Variants in RBM12B observed in about 807,000 individuals in gnomAD.
The protein encoded by RBM12B is RNA-binding protein 12B.
In RBM12B, 10 loss-of-function variants were observed where a neutral mutation model predicts 34.3. The ratio of observed to expected loss-of-function variants is 0.29; its 90% confidence interval spans 0.18 to 0.49. The LOEUF is 0.49. Among genes scored for constraint, RBM12B ranks in the 20% least tolerant of loss-of-function variants. RBM12B has a pLI of 0.99. For synonymous variants in RBM12B, 477 were observed against 437.1 expected, an observed-to-expected ratio of 1.09 and a Z score of -1.14; for missense variants, 1,139 against 1,262.7, an observed-to-expected ratio of 0.90 and a Z score of 1.48.
At position 93,734,310 on chromosome 8, in the gene RBM12B, G is replaced by A. The variant is rs776119332; in HGVS notation, c.2101C>T (p.Arg701Trp). 29 of 1,613,282 alleles carry A rather than the reference G, an allele frequency of 1.8e-5. No homozygotes were observed. Among genetic ancestry groups the A allele is most frequent in the East Asian group, 6.7e-5 (3 of 44,814 alleles). The part of the protein sequence containing the change: ...WRRPPEDDFR[R>W]PPEEDFRHSP... ...TGCCTGAAATCCTCCTCTGGGGGCC[G>A]CCTGAAGTCATCCTCGGGTGGTCGC... is the stretch of plus-strand genomic sequence containing the variant. Residue 701 changes from arginine (R) to tryptophan (W), a missense_variant, in exon 4 of 4, where the codon CGG (arginine) becomes TGG (tryptophan). By Grantham distance (101) the Arg-to-Trp change is moderately radical. Transcript: ENST00000520560.
At position 93,735,295 on chromosome 8, in the gene RBM12B, C is replaced by A; in HGVS notation, c.1116G>T (p.Lys372Asn). 1 of 1,614,016 alleles carries A rather than the reference C, an allele frequency of 6.2e-7. No homozygotes were observed. Among genetic ancestry groups the A allele is most frequent in the Non-Finnish European group, 8.5e-7 (1 of 1,180,014 alleles). ...QMLKFIARYE[K>N]KRSGSLERDR... is the part of the protein sequence containing the mutation. ...CTCTCTCTAGTGACCCTGATCTCTT[C>A]TTTTCATAACGTGCAATGAACTTCA... Residue 372 changes from lysine (K) to asparagine (N), a missense_variant, in exon 4 of 4, where the codon AAG becomes AAT. Coordinates refer to ENST00000520560, the MANE Select transcript of RBM12B (RefSeq NM_001377960.1).
intron 2 of RBM12B, among the ~76,000 whole-genome samples, chr8:93,738,034 T>C (rs926954088): frequency 1.3e-5 from 2 of 152,192 alleles, no homozygotes; most frequent in Non-Finnish European, 2.9e-5. Flanking sequence ...CTATGGGCTA[T>C]TGTTTGGATA....
Position 93,735,374 on chromosome 8 carries a change from G to A in RBM12B, c.1037C>T (p.Thr346Ile). 6.2e-7 allele frequency: 1 copy of A among 1,613,680 alleles called. No individual in the cohort carries two copies. Among genetic ancestry groups the A allele is most frequent in the Non-Finnish European group, 8.5e-7 (1 of 1,179,776 alleles). The change falls in exon 4 of 4, where the codon ACT becomes ATT. Residue 346 changes from threonine to isoleucine, a missense_variant. Physicochemically the swap from Thr to Ile is moderately conservative, Grantham distance 89. Coordinates refer to ENST00000520560, the MANE Select transcript of RBM12B (RefSeq NM_001377960.1). ...DYNTALSLHK[T>I]VLQYRPVHID... ...ATGAACTGGACGATATTGTAAAACA[G>A]TCTTATGTAAACTCAGAGCGGTATT...
rs767824325 is a variant in RBM12B at position 93,736,353 on chromosome 8, G to A, written c.58C>T (p.Arg20Cys). 4.3e-6 allele frequency: 7 copies of A among 1,612,638 alleles called. No homozygotes were observed. The highest frequency in any genetic ancestry group is 3.3e-5 in the South Asian group (3 of 91,032). Reference protein sequence around the residue: ...LPFIAGPVDIRHFFTGLTIPD... With the variant: ...LPFIAGPVDICHFFTGLTIPD... The stretch of plus-strand genomic sequence containing the variant: ...ATAGTCAATCCCGTGAAGAAGTGAC[G>A]AATATCCACAGGCCCCGCAATAAAA... The change falls in exon 4 of 4, where the codon CGT (arginine) becomes TGT (cysteine). Residue 20 changes from arginine (R) to cysteine (C), a missense_variant. This residue lies in a region of RBM12B where 216 missense variants were observed against 292.2 expected (regional missense o/e 0.74). Coordinates refer to ENST00000520560, the MANE Select transcript of RBM12B (RefSeq NM_001377960.1).
chr8:93,734,731 G>C lies in RBM12B; in HGVS notation c.1680C>G (p.His560Gln). Residue 560 changes from histidine (H) to glutamine (Q), a missense_variant, in exon 4 of 4, where the codon CAC becomes CAG. Coordinates refer to ENST00000520560, the MANE Select transcript of RBM12B (RefSeq NM_001377960.1). ...PDRHPPEDFR[H>Q]SSEDFRFPPE... ...GGGGGAACCTAAAGTCCTCTGAGGAGTGTCGGAAGTCTTCTGGAGGGTGCC... is the reference window on the plus strand; with the variant it reads ...GGGGGAACCTAAAGTCCTCTGAGGACTGTCGGAAGTCTTCTGGAGGGTGCC... 1 of 1,614,168 alleles carries C rather than the reference G, an allele frequency of 6.2e-7. No homozygotes were observed. The highest frequency in any genetic ancestry group is 8.5e-7 in the Non-Finnish European group (1 of 1,180,016).
rs1454399308 is a variant in RBM12B, at chr8:93,732,386, A to C, written c.*1019T>G. 6 of 152,230 alleles carry C rather than the reference A, an allele frequency of 3.9e-5. No individual in the cohort carries two copies. The highest frequency in any genetic ancestry group is 8.8e-5 in the Non-Finnish European group (6 of 68,044). 9.4% of individuals were successfully genotyped at this position (152,230 alleles called of 1,614,324 possible). On this transcript the variant is annotated 3_prime_UTR_variant, in exon 4 of 4. Transcript: ENST00000520560. The stretch of plus-strand genomic sequence containing the variant: ...ATCAAAGAAGTCAAAATTCAACCAC[A>C]CAAGTCTTAACAGTTATAGAGTCTT...
Position 93,736,111 on chromosome 8 carries a change from T to C in RBM12B, c.300A>G (p.Thr100=), listed in dbSNP as rs777552333. 3 of 1,614,226 alleles carry C rather than the reference T, an allele frequency of 1.9e-6. No individual in the cohort carries two copies. Among genetic ancestry groups the C allele is most frequent in the Admixed American group, 1.7e-5 (1 of 60,030 alleles). ...RVGRGRPGSG[T]SGVDSLSNFI... Reference sequence around the variant, plus strand: ...AATTAGACAGGCTGTCAACCCCTGATGTCCCAGATCCTGGACGCCCTCTTC... The same window carrying C: ...AATTAGACAGGCTGTCAACCCCTGACGTCCCAGATCCTGGACGCCCTCTTC... Residue 100 remains threonine (T), a synonymous_variant, in exon 4 of 4, where the codon ACA becomes ACG. Transcript: ENST00000520560.
At position 93,736,404 on chromosome 8, in the gene RBM12B, C is replaced by T; in HGVS notation, c.7G>A (p.Val3Ile). MAVVIRLLGLPFI... is the reference protein window; with the variant it reads MAIVIRLLGLPFI... ...GGAAGCCCCAGTAAACGGATGACTA[C>T]AGCCATGCTGAGCTCAAACCACAGC... The change falls in exon 4 of 4, where the codon GTA becomes ATA. Residue 3 changes from valine (V) to isoleucine (I), a missense_variant. Val to Ile is a conservative substitution (Grantham distance 29). Coordinates refer to ENST00000520560, the MANE Select transcript of RBM12B (RefSeq NM_001377960.1). 2 of 1,579,954 alleles carry T rather than the reference C, an allele frequency of 1.3e-6. No individual in the cohort carries two copies. Among genetic ancestry groups the T allele is most frequent in the Non-Finnish European group, 1.7e-6 (2 of 1,168,036 alleles).
Position 93,735,154 on chromosome 8 carries a change from G to A in RBM12B, c.1257C>T (p.Phe419=). 6.2e-7 allele frequency: 1 copy of A among 1,614,088 alleles called. No homozygotes were observed. The highest frequency in any genetic ancestry group is 8.5e-7 in the Non-Finnish European group (1 of 1,179,994). ...FDVTKVEVQK[F]FADFLLAEDD... The stretch of plus-strand genomic sequence containing the variant: ...CCTCAGCAAGAAGAAAGTCTGCAAA[G>A]AACTTCTGCACTTCAACTTTTGTAA... Residue 419 remains phenylalanine, a synonymous_variant, in exon 4 of 4, where the codon TTC becomes TTT. Transcript: ENST00000520560.
chr8:93,734,936 C>T lies in RBM12B; in HGVS notation c.1475G>A (p.Ser492Asn). 2 of 1,614,060 alleles carry T rather than the reference C, an allele frequency of 1.2e-6. No individual in the cohort carries two copies. The highest frequency in any genetic ancestry group is 2.2e-5 in the East Asian group (1 of 44,880). The change falls in exon 4 of 4, where the codon AGT becomes AAT. Residue 492 changes from serine to asparagine, a missense_variant. Ser to Asn is a conservative substitution (Grantham distance 46, BLOSUM62 1). Around this residue, in one of 3 missense-constraint regions of RBM12B, gnomAD observed 863 missense variants for 869.5 expected, o/e 0.99. Transcript: ENST00000520560. ...EFGVNFSVMS[S>N]EKMQARSQSR... ...CTGTGAGCGAGCTTGCATTTTTTCACTGGACATCACAGAAAAATTTACACC... is the reference window on the plus strand; with the variant it reads ...CTGTGAGCGAGCTTGCATTTTTTCATTGGACATCACAGAAAAATTTACACC...
At chr8:93,736,873 G>A (rs188130228) in intron 3 of RBM12B, among the ~76,000 whole-genome samples, 4 of 152,292 alleles carry the variant, frequency 2.6e-5, no homozygotes, top group African/African-American at 9.6e-5. Flanking sequence ...TATAATTTCT[G>A]CTCATGATAA....
Position 93,735,323 on chromosome 8 carries a change from A to G in RBM12B, c.1088T>C (p.Met363Thr). Residue 363 changes from methionine (M) to threonine (T), a missense_variant, in exon 4 of 4, where the codon ATG becomes ACG. By Grantham distance (81) the Met-to-Thr change is moderately conservative. Coordinates refer to ENST00000520560, the MANE Select transcript of RBM12B (RefSeq NM_001377960.1). ...VHIDPISRKQ[M>T]LKFIARYEKK... ...TTCATAACGTGCAATGAACTTCAGC[A>G]TTTGTTTTCTAGAAATTGGATCAAT... The G allele has an allele frequency of 6.2e-7, 1 of 1,613,970 alleles. No individual in the cohort carries two copies. Among genetic ancestry groups the G allele is most frequent in the Non-Finnish European group, 8.5e-7 (1 of 1,180,032 alleles).
At chr8:93,736,568 A>G in intron 3 of RBM12B, 130 bp from the exon 4 acceptor site, 1 of 658,156 alleles carries the variant, frequency 1.5e-6, no homozygotes, top group Middle Eastern at 3.3e-4. Flanking sequence ...CAAGTTCACA[A>G]AAATACTGAT....
chr8:93,738,334 A>G (rs1029545043), intron 2 of RBM12B, among the ~76,000 whole-genome samples: 1 of 152,266 alleles, frequency 6.6e-6, no homozygotes, highest in South Asian at 2.1e-4. Context: ...AACTTGGAAT[A>G]CTGGGATTAC....
In RBM12B at chr8:93,738,385, T is replaced by C. The variant is rs148351053; in HGVS notation, c.-77-1030A>G. Among the ~76,000 whole-genome samples the C allele has an allele frequency of 3.7e-3, 562 of 152,326 alleles. 6 individuals carry two copies. Among genetic ancestry groups the C allele is most frequent in the African/African-American group, 0.013 (548 of 41,568 alleles). ...TCTCAATGTAATTTTTTAAAGAAGT[T>C]TGCGTTTAATACTTTCAGGGATACC... On this transcript the variant is annotated intron_variant, in intron 2 of 3. Coordinates refer to ENST00000520560, the MANE Select transcript of RBM12B (RefSeq NM_001377960.1).
At position 93,729,843 on chromosome 8, in the gene RBM12B, T is replaced by TCCAACCAAC. The variant is rs1811720017; in HGVS notation, c.*3553_*3561dup. The TCCAACCAAC allele has an allele frequency of 1.3e-5, 2 of 152,076 alleles. No homozygotes were observed. Among genetic ancestry groups the TCCAACCAAC allele is most frequent in the African/African-American group, 4.8e-5 (2 of 41,396 alleles). The allele number at this position is 152,076 out of a possible 1,614,324, so 9.4% of individuals were successfully genotyped here. A position where few individuals can be genotyped will look rare whatever the true frequency, so the allele number is the denominator to read the frequency against. On this transcript the variant is annotated 3_prime_UTR_variant, in exon 4 of 4. Transcript: ENST00000520560. ...ACAACAACAAAAAACAGGCAACCAA[T>TCCAACCAAC]CCAACCAACCCAGCCTGTAAGTCTC... is the stretch of plus-strand genomic sequence containing the variant.
Position 93,729,392 on chromosome 8 carries a change from G to C in RBM12B, c.*4013C>G, listed in dbSNP as rs1050599914. ...AAATTGATATTCTTAAGAAACTCAA[G>C]ATATCATTGGATATTTACTGCTTCC... On this transcript the variant is annotated 3_prime_UTR_variant, in exon 4 of 4. Coordinates refer to ENST00000520560, the MANE Select transcript of RBM12B (RefSeq NM_001377960.1). 6.6e-6 allele frequency: 1 copy of C among 151,992 alleles called. No homozygotes were observed. Among genetic ancestry groups the C allele is most frequent in the African/African-American group, 2.4e-5 (1 of 41,400 alleles). The allele number at this position is 151,992 out of a possible 1,614,324, so 9.4% of individuals were successfully genotyped here.
Position 93,734,070 on chromosome 8 carries a change from T to G in RBM12B, c.2341A>C (p.Arg781=), listed in dbSNP as rs779443778. The G allele has an allele frequency of 6.4e-7, 1 of 1,574,350 alleles. No individual in the cohort carries two copies. The highest frequency in any genetic ancestry group is 8.6e-7 in the Non-Finnish European group (1 of 1,163,646). ...FRRPPPEHFR[R]PPQEHFRRPP... is the part of the protein sequence containing the mutation. ...CGCCTGAAATGCTCCTGGGGCGGTCTCCGGAAGTGCTCCGGGGGCGGGCGC... is the reference window on the plus strand; with the variant it reads ...CGCCTGAAATGCTCCTGGGGCGGTCGCCGGAAGTGCTCCGGGGGCGGGCGC... The change falls in exon 4 of 4, where the codon AGA becomes CGA. Residue 781 remains arginine, a synonymous_variant. Transcript: ENST00000520560.
At position 93,735,725 on chromosome 8, in the gene RBM12B, G is replaced by C; in HGVS notation, c.686C>G (p.Ser229Ter). 1 of 1,614,018 alleles carries C rather than the reference G, an allele frequency of 6.2e-7. No homozygotes were observed. The highest frequency in any genetic ancestry group is 8.5e-7 in the Non-Finnish European group (1 of 1,180,032). Reference protein sequence around the residue: ...GSRFIEVMQGSEQQWIEFGGN... With the variant: ...GSRFIEVMQG The stretch of plus-strand genomic sequence containing the variant: ...ACCAAACTCAATCCACTGTTGTTCT[G>C]ATCCTTGCATTACTTCTATAAATCT... Residue 229 changes from serine (S) to a stop codon, truncating the protein, a stop_gained, in exon 4 of 4, where the codon TCA (serine) becomes TGA (stop). Coordinates refer to ENST00000520560, the MANE Select transcript of RBM12B (RefSeq NM_001377960.1). LOFTEE classifies it high-confidence loss of function.
Sources: allele counts gnomAD v4.1 joint callset (sites outside exome capture counted in the v4.1 genomes callset), GRCh38; gene constraint gnomAD v4.1.1; regional missense constraint gnomAD v4.1.1; transcripts MANE v1.5; gene names NCBI Gene and HGNC (gene_info 2026-07-23, HGNC 2026-07-21).